The following RFX3 variants were observed in gnomAD, a reference collection of about 807,000 sequenced individuals.
RFX3 encodes regulatory factor X3.
In RFX3, 14 loss-of-function variants were observed where a neutral mutation model predicts 98.6. That is an observed-to-expected ratio of 0.14 (90% CI 0.09 to 0.22). RFX3 has a LOEUF of 0.22. Ranked by LOEUF, RFX3 falls within the 10% of genes least tolerant of loss-of-function variation. The pLI is 1.00. For missense variants in RFX3, 639 were observed against 926.9 expected (o/e 0.69, Z 4.03); for synonymous variants, 383 against 328.4 (o/e 1.17, Z -1.80).
At chr9:3,394,833 T>C in intron 2 of RFX3, 7 of 985,350 alleles carry the variant, frequency 7.1e-6, no homozygotes, top group Non-Finnish European at 8.4e-6. Flanking sequence ...TCCACATACA[T>C]GAACAGCATT....
In RFX3 at chr9:3,222,785, G is replaced by A. The variant is rs1295712663; in HGVS notation, c.*2257C>T. ...TGGTACAAATCCATTGTCTTTTTGGGAGGAAAAAGGGGGACAGTAATTTAA... is the reference window on the plus strand; with the variant it reads ...TGGTACAAATCCATTGTCTTTTTGGAAGGAAAAAGGGGGACAGTAATTTAA... On this transcript the variant is annotated 3_prime_UTR_variant, in exon 17 of 17. Coordinates refer to ENST00000617270, the MANE Select transcript of RFX3 (RefSeq NM_001282116.2). 1 of 151,958 alleles carries A rather than the reference G, an allele frequency of 6.6e-6. No homozygotes were observed. Among genetic ancestry groups the A allele is most frequent in the Non-Finnish European group, 1.5e-5 (1 of 67,944 alleles). The allele number at this position is 151,958 out of a possible 1,614,324, so 9.4% of individuals were successfully genotyped here.
intron 9 of RFX3, among the ~76,000 whole-genome samples, chr9:3,273,399 A>T (rs1824765599): frequency 6.6e-6 from 1 of 152,176 alleles, no homozygotes; most frequent in Non-Finnish European, 1.5e-5. Flanking sequence ...ATTTCTTCAT[A>T]AAAAGTATAT....
intron 3 of RFX3, among the ~76,000 whole-genome samples, chr9:3,345,837 G>C (rs947773240): frequency 6.6e-6 from 1 of 152,128 alleles, no homozygotes; most frequent in African/African-American, 2.4e-5. Flanking sequence ...CTTATAGGTT[G>C]ACATCACGGA....
At chr9:3,301,744 C>G in intron 4 of RFX3, 124 bp from the exon 5 acceptor site, 1 of 594,272 alleles carries the variant, frequency 1.7e-6, no homozygotes, top group East Asian at 2.8e-5. Context: ...TGAACAGTTG[C>G]CACTTAATGT....
intron 2 of RFX3, among the ~76,000 whole-genome samples, chr9:3,394,117 T>G (rs1003426761): frequency 6.6e-5 from 10 of 152,216 alleles, no homozygotes; most frequent in Non-Finnish European, 1.0e-4. Flanking sequence ...GGGAAAGTTG[T>G]ATATGTGTAT....
intron 2 of RFX3, among the ~76,000 whole-genome samples, chr9:3,350,626 C>A (rs1318189232): frequency 6.6e-6 from 1 of 152,120 alleles, no homozygotes; most frequent in Admixed American, 6.6e-5. Context: ...TTTATAACAA[C>A]TTTATTCATA....
chr9:3,396,254 T>C (rs866880580), intron 1 of RFX3, among the ~76,000 whole-genome samples: 3 of 152,036 alleles, frequency 2.0e-5, no homozygotes, highest in Non-Finnish European at 2.9e-5. Context: ...TGTGTTCTCA[T>C]TGTTCAATTC....
chr9:3,344,639 C>CA (rs1177477436), intron 3 of RFX3: 2 of 566,712 alleles, frequency 3.5e-6, no homozygotes, highest in East Asian at 3.0e-5. Flanking sequence ...CCACAACAGA[C>CA]ACGAAAGCTA....
intron 14 of RFX3, among the ~76,000 whole-genome samples, chr9:3,251,560 T>C (rs1268689729): frequency 6.6e-6 from 1 of 151,864 alleles, no homozygotes; most frequent in Non-Finnish European, 1.5e-5. Flanking sequence ...CTCGAACTCC[T>C]GGACTCAACT....
rs569059019 is a variant in RFX3 at position 3,222,057 on chromosome 9, A to C, written c.*2985T>G. On this transcript the variant is annotated 3_prime_UTR_variant, in exon 17 of 17. Coordinates refer to ENST00000617270, the MANE Select transcript of RFX3 (RefSeq NM_001282116.2). The stretch of plus-strand genomic sequence containing the variant: ...GTGAAAAAAGGGAAAAAGGGAAATA[A>C]ATGCAATAAATGTGATTGCTCAATT... The C allele has an allele frequency of 6.6e-6, 1 of 152,270 alleles. No individual in the cohort carries two copies. The highest frequency in any genetic ancestry group is 1.9e-4 in the East Asian group (1 of 5,188). The allele number at this position is 152,270 out of a possible 1,614,324, so 9.4% of individuals were successfully genotyped here. A position where few individuals can be genotyped will look rare whatever the true frequency, so the allele number is the denominator to read the frequency against.
intron 1 of RFX3, among the ~76,000 whole-genome samples, chr9:3,463,771 G>C (rs893967707): frequency 2.6e-5 from 4 of 151,968 alleles, no homozygotes; most frequent in Non-Finnish European, 5.9e-5. Flanking sequence ...AGGAGTTCAA[G>C]ACCAGCCTGG....
intron 15 of RFX3, among the ~76,000 whole-genome samples, chr9:3,243,342 A>C (rs937918876): frequency 1.3e-5 from 2 of 150,878 alleles, no homozygotes; most frequent in African/African-American, 4.9e-5. Flanking sequence ...AAAAAAAAAA[A>C]CTCTAGAATT....
intron 4 of RFX3, among the ~76,000 whole-genome samples, chr9:3,329,783 C>CT (rs1832376990): frequency 6.6e-6 from 1 of 152,132 alleles, no homozygotes; most frequent in Non-Finnish European, 1.5e-5. Flanking sequence ...ACTTACATGT[C>CT]TAAGGTTTGG....
At chr9:3,458,035 G>C (rs993306765) in intron 1 of RFX3, among the ~76,000 whole-genome samples, 5 of 152,160 alleles carry the variant, frequency 3.3e-5, no homozygotes. Flanking sequence ...TCGTGAGGAA[G>C]CAGTCATTAG....
chr9:3,519,910 C>G (rs562338780), intron 1 of RFX3, among the ~76,000 whole-genome samples: 10 of 147,346 alleles, frequency 6.8e-5, no homozygotes, highest in Admixed American at 6.8e-4. Flanking sequence ...CTAGCCTGGG[C>G]AATGTAGCAA....
At chr9:3,413,578 C>G (rs933577130) in intron 1 of RFX3, among the ~76,000 whole-genome samples, 2 of 152,046 alleles carry the variant, frequency 1.3e-5, no homozygotes, top group African/African-American at 4.8e-5. Context: ...ATATCTAAAA[C>G]TACTGCAGAT....
chr9:3,494,475 A>C (rs1158115043), intron 1 of RFX3, among the ~76,000 whole-genome samples: 1 of 152,158 alleles, frequency 6.6e-6, no homozygotes, highest in Non-Finnish European at 1.5e-5. Context: ...ATACTTCTGG[A>C]ATGGCTACTT....
At chr9:3,411,007 C>T (rs1438473191) in intron 1 of RFX3, among the ~76,000 whole-genome samples, 1 of 152,098 alleles carries the variant, frequency 6.6e-6, no homozygotes, top group Admixed American at 6.6e-5. Flanking sequence ...TGTAATCTTG[C>T]TTATGAAGGA....
chr9:3,424,640 G>T (rs879344934), intron 1 of RFX3, among the ~76,000 whole-genome samples: 2 of 151,976 alleles, frequency 1.3e-5, no homozygotes. Context: ...GATTACAGGC[G>T]TGAGCCACCG....
Sources: gnomAD v4.1 joint callset for allele counts (sites outside exome capture counted in the v4.1 genomes callset) on GRCh38, gnomAD v4.1.1 for gene constraint, MANE v1.5 for transcripts, NCBI Gene and HGNC (gene_info 2026-07-23, HGNC 2026-07-21) for gene names.